Variants in PTOV1 observed in about 807,000 individuals in gnomAD.
PTOV1 encodes the protein PTOV1 extended AT-hook containing adaptor protein, also known as prostate tumor-overexpressed gene 1 protein.
A neutral mutation model predicts 58.0 loss-of-function variants in PTOV1; 20 were observed. The observed-to-expected ratio is 0.34, with a 90% CI of 0.24 to 0.50. The LOEUF (loss-of-function observed/expected upper bound fraction) is 0.50, where lower values mean the gene tolerates loss of function less well. Among genes scored for constraint, PTOV1 ranks in the 20% least tolerant of loss-of-function variants. The pLI, the probability that PTOV1 is intolerant of heterozygous loss-of-function variation, is 0.98. For missense variants in PTOV1, 593 were observed against 565.4 expected, an observed-to-expected ratio of 1.05 and a Z score of -0.50; for synonymous variants, 335 against 234.2, an observed-to-expected ratio of 1.43 and a Z score of -3.93.
exon 11 of PTOV1, chr19:49,860,103 G>C: frequency 6.2e-7 from 1 of 1,614,214 alleles, no homozygotes; most frequent in Non-Finnish European, 8.5e-7. Context: ...GGGCAACTTT[G>C]TCAACGGCAT....
At chr19:49,853,814 CCTCT>C (rs1568638439) in intron 1 of PTOV1, among the ~76,000 whole-genome samples, 1 of 152,190 alleles carries the variant, frequency 6.6e-6, no homozygotes, top group Non-Finnish European at 1.5e-5. Flanking sequence ...GGTTTAGTCC[CCTCT>C]GTGTTTCTTG....
chr19:49,858,717 CGGGGGCGGACAT>C lies in PTOV1; in HGVS notation c.1041+68_1041+79del, dbSNP rs975894767. The stretch of plus-strand genomic sequence containing the variant: ...GGGCAGAGCGAGCCCGGACCGCTCA[CGGGGGCGGACAT>C]GGGAGAGGAACAGAGCACCATGTCC... On this transcript the variant is annotated intron_variant, in intron 10 of 11. Coordinates refer to ENST00000391842, the Ensembl canonical transcript of PTOV1. The C allele has an allele frequency of 6.0e-6, 8 of 1,334,604 alleles. No homozygotes were observed. In the African/African-American group the frequency reaches 1.2e-4, roughly 19 times the overall value. 82.7% of individuals were successfully genotyped at this position (1,334,604 alleles called of 1,614,324 possible).
intron 1 of PTOV1, chr19:49,852,139 T>G: frequency 1.1e-5 from 10 of 933,764 alleles, no homozygotes; most frequent in Non-Finnish European, 1.3e-5. Context: ...AAGGTTTACC[T>G]GGGGCTGTAA....
chr19:49,858,871 C>T (rs978239925), intron 10 of PTOV1: 11 of 527,678 alleles, frequency 2.1e-5, no homozygotes, highest in African/African-American at 7.6e-5. Context: ...TGCTCCTCCT[C>T]TGCCACATCA....
At chr19:49,854,320 G>C (rs1466506215) in intron 1 of PTOV1, 86 bp from the exon 2 acceptor site, 1 of 1,508,072 alleles carries the variant, frequency 6.6e-7, no homozygotes, top group South Asian at 1.3e-5. Flanking sequence ...CTGAATATTG[G>C]GACGTCCCCT....
At chr19:49,851,393 G>A (rs1379794257) in exon 1 of PTOV1, 2 of 1,174,120 alleles carry the variant, frequency 1.7e-6, no homozygotes, top group Middle Eastern at 3.4e-4. Flanking sequence ...GGTCGCGGCC[G>A]CCCTCCGCGG....
At chr19:49,859,995 G>A (rs780141901) in exon 11 of PTOV1, 15 of 1,614,128 alleles carry the variant, frequency 9.3e-6, no homozygotes, top group Admixed American at 3.3e-5. Flanking sequence ...GGCCGGCTGC[G>A]TGCACTTTTC....
chr19:49,850,950 C>T, upstream of PTOV1: 2 of 1,535,816 alleles, frequency 1.3e-6, no homozygotes, highest in Non-Finnish European at 8.7e-7. Flanking sequence ...TCTGCCACCC[C>T]ATTCGGTAGG....
At chr19:49,851,671 G>GCGC (rs1302280163) in intron 1 of PTOV1, 172 bp downstream of exon 1, 1 of 1,146,320 alleles carries the variant, frequency 8.7e-7, no homozygotes, top group African/African-American at 1.6e-5. Flanking sequence ...GGTTCGCGCC[G>GCGC]CGCTCTCCCC....
chr19:49,851,360 C>A (rs1238386145), exon 1 of PTOV1: 73 of 1,113,618 alleles, frequency 6.6e-5, no homozygotes, highest in Non-Finnish European at 6.3e-5. Context: ...CCGTACCGCT[C>A]CGGCGCCGGG....
In PTOV1 at chr19:49,851,426, GC is replaced by G; in HGVS notation, c.99del (p.Ser34ArgfsTer50). On this transcript the variant is annotated frameshift_variant, in exon 1 of 12. Coordinates refer to ENST00000391842, the Ensembl canonical transcript of PTOV1. LOFTEE classifies it high-confidence loss of function. ...CGGCCCCTCGTGGTGCGCGCCGTCC[GC>G]TCGCGCTCCTGGCCTGCCAGCCCCC... 8.2e-7 allele frequency: 1 copy of G among 1,212,438 alleles called. No homozygotes were observed. Among genetic ancestry groups the G allele is most frequent in the Non-Finnish European group, 1.0e-6 (1 of 975,858 alleles). The allele number at this position is 1,212,438 out of a possible 1,614,324, so 75.1% of individuals were successfully genotyped here.
At chr19:49,860,328 C>T (rs766989182) in exon 12 of PTOV1, 38 of 1,602,538 alleles carry the variant, frequency 2.4e-5, no homozygotes. Flanking sequence ...GAGGCCCCCG[C>T]AGAGACTGGT....
At position 49,860,125 on chromosome 19, in the gene PTOV1, T is replaced by C. The variant is rs777590832; in HGVS notation, c.1181T>C (p.Ile394Thr). The change falls in exon 11 of 12, where the codon ATT becomes ACT. Residue 394 changes from isoleucine (I) to threonine (T), a missense_variant. Physicochemically the swap from Ile to Thr is moderately conservative, Grantham distance 89. Coordinates refer to ENST00000391842, the Ensembl canonical transcript of PTOV1. ...TTTGTCAACGGCATCCGGCGTGTCA[T>C]TGCCAACCAGCAGCAGGTCCTGCAG... The C allele has an allele frequency of 7.4e-6, 12 of 1,614,058 alleles. No homozygotes were observed. The highest frequency in any genetic ancestry group is 1.3e-5 in the African/African-American group (1 of 74,930).
At chr19:49,852,065 C>T (rs1322595362) in intron 1 of PTOV1, 2 of 985,386 alleles carry the variant, frequency 2.0e-6, no homozygotes, top group Admixed American at 6.1e-5. Flanking sequence ...TTCAGCTTCG[C>T]AGGTACTTTG....
chr19:49,858,062 C>T (rs754561665), exon 9 of PTOV1: 7 of 1,614,026 alleles, frequency 4.3e-6, no homozygotes, highest in African/African-American at 1.3e-5. Flanking sequence ...CACAGGAGGA[C>T]CGAGCAGTGG....
exon 5 of PTOV1, chr19:49,855,017 C>A (rs377732887): frequency 6.2e-7 from 1 of 1,602,156 alleles, no homozygotes; most frequent in African/African-American, 1.3e-5. Context: ...CACAGTTCCA[C>A]TTCACCAACA....
At chr19:49,851,186 C>T in exon 1 of PTOV1, 3 of 1,220,882 alleles carry the variant, frequency 2.5e-6, no homozygotes, top group Non-Finnish European at 3.1e-6. Context: ...GACCCCACTC[C>T]GGCGGCGCGT....
At chr19:49,859,592 C>T (rs924486514) in intron 10 of PTOV1, among the ~76,000 whole-genome samples, 1 of 151,818 alleles carries the variant, frequency 6.6e-6, no homozygotes, top group Non-Finnish European at 1.5e-5. Flanking sequence ...AAAAAAGTTT[C>T]CTCAAGGAAA....
chr19:49,852,964 G>C (rs1208505644), intron 1 of PTOV1: 1 of 152,172 alleles, frequency 6.6e-6, no homozygotes, highest in African/African-American at 2.4e-5. Context: ...TCCACTCTCT[G>C]TCCAACTCAT....
Sources: gnomAD v4.1 joint callset for allele counts (sites outside exome capture counted in the v4.1 genomes callset) on GRCh38, gnomAD v4.1.1 for gene constraint, MANE v1.5 for transcripts, NCBI Gene and HGNC (gene_info 2026-07-23, HGNC 2026-07-21) for gene names.